The following NEGR1 variants were observed in gnomAD, a reference collection of about 807,000 sequenced individuals.
The protein encoded by NEGR1 is neuronal growth regulator 1.
A neutral mutation model predicts 40.9 loss-of-function variants in NEGR1; 10 were observed. The ratio of observed to expected loss-of-function variants is 0.24; its 90% CI spans 0.15 to 0.42. The LOEUF (loss-of-function observed/expected upper bound fraction) is 0.42. Among genes scored for constraint, NEGR1 ranks in the 10% least tolerant of loss-of-function variants. The probability of loss-of-function intolerance (pLI) is 1.00; values close to 1 mark genes in which losing one functional copy is unlikely to be tolerated. For synonymous variants in NEGR1, 185 were observed against 166.8 expected, an observed-to-expected ratio of 1.11 and a Z score of -0.84; for missense variants, 352 against 438.9, an observed-to-expected ratio of 0.80 and a Z score of 1.77.
intron 3 of NEGR1, among the ~76,000 whole-genome samples, chr1:71,769,581 A>G (rs953994074): frequency 6.6e-6 from 1 of 152,144 alleles, no homozygotes; most frequent in Non-Finnish European, 1.5e-5. Flanking sequence ...TGGTTTTACT[A>G]GGGGGTTTTC....
intron 1 of NEGR1, among the ~76,000 whole-genome samples, chr1:72,147,855 A>G (rs1650968047): frequency 6.6e-6 from 1 of 152,100 alleles, no homozygotes; most frequent in Admixed American, 6.6e-5. Flanking sequence ...CTCTAAAATG[A>G]TTTCCTTTGA....
intron 1 of NEGR1, among the ~76,000 whole-genome samples, chr1:72,026,541 C>T (rs776855262): frequency 1.1e-5 from 1 of 94,936 alleles, no homozygotes; most frequent in Non-Finnish European, 1.9e-5. Flanking sequence ...TTCTTTAAAA[C>T]AACAACAACA....
At chr1:71,872,066 A>G (rs1175774667) in intron 2 of NEGR1, among the ~76,000 whole-genome samples, 1 of 152,224 alleles carries the variant, frequency 6.6e-6, no homozygotes, top group East Asian at 1.9e-4. Context: ...TGGAATAAAA[A>G]TAAATGATGA....
intron 6 of NEGR1, chr1:71,422,466 T>C (rs1646403673): frequency 6.6e-6 from 1 of 152,220 alleles, no homozygotes; most frequent in South Asian, 2.1e-4. Context: ...GTGTTTTTCT[T>C]ATTTAAGGCT....
At chr1:72,037,246 T>A (rs1646911366) in intron 1 of NEGR1, among the ~76,000 whole-genome samples, 1 of 152,116 alleles carries the variant, frequency 6.6e-6, no homozygotes, top group Non-Finnish European at 1.5e-5. Context: ...AGTAGAAAAA[T>A]TAAAAATAAA....
In NEGR1 at chr1:71,399,838, T is replaced by G. The variant is rs1506451; in HGVS notation, c.*7608A>C. On this transcript the variant is annotated 3_prime_UTR_variant, in exon 7 of 7. Transcript: ENST00000357731. Reference sequence around the variant, plus strand: ...ACTTATGAAACTACTTAGAAAACTATGGAAGAGTTCTGTGGCTCTTACTAG... The same window carrying G: ...ACTTATGAAACTACTTAGAAAACTAGGGAAGAGTTCTGTGGCTCTTACTAG... 2 of 152,166 alleles carry G rather than the reference T, an allele frequency of 1.3e-5. No individual in the cohort carries two copies. Among genetic ancestry groups the G allele is most frequent in the East Asian group, 3.9e-4 (2 of 5,184 alleles). 9.4% of individuals were successfully genotyped at this position (152,166 alleles called of 1,614,324 possible). A position where few individuals can be genotyped will look rare whatever the true frequency, so the allele number is the denominator to read the frequency against.
At chr1:71,521,029 T>C (rs1647153474) in intron 6 of NEGR1, among the ~76,000 whole-genome samples, 1 of 152,098 alleles carries the variant, frequency 6.6e-6, no homozygotes, top group African/African-American at 2.4e-5. Flanking sequence ...TAGCTGTGAC[T>C]TGTCACTCTA....
chr1:71,994,039 T>C (rs1293761764), intron 1 of NEGR1, among the ~76,000 whole-genome samples: 2 of 152,130 alleles, frequency 1.3e-5, no homozygotes, highest in African/African-American at 2.4e-5. Flanking sequence ...CAAGACCTAA[T>C]AGAACATCCA....
At chr1:71,845,397 G>A (rs1659371384) in intron 2 of NEGR1, among the ~76,000 whole-genome samples, 1 of 152,068 alleles carries the variant, frequency 6.6e-6, no homozygotes, top group Non-Finnish European at 1.5e-5. Flanking sequence ...ATGGGTAGGA[G>A]ATGGTAAGAA....
At chr1:71,759,824 G>A (rs1570309426) in intron 3 of NEGR1, among the ~76,000 whole-genome samples, 1 of 151,144 alleles carries the variant, frequency 6.6e-6, no homozygotes, top group Non-Finnish European at 1.5e-5. Context: ...CACCCTGACT[G>A]GTCTTGAACT....
intron 1 of NEGR1, among the ~76,000 whole-genome samples, chr1:71,977,328 AAAAAACAAAAC>A (rs1009886549): frequency 6.6e-6 from 1 of 152,110 alleles, no homozygotes; most frequent in Non-Finnish European, 1.5e-5. Context: ...TCCATCTCAA[AAAAAACAAAAC>A]AAAACAAAAC....
At chr1:71,617,517 C>T (rs887561631) in intron 4 of NEGR1, among the ~76,000 whole-genome samples, 2 of 152,148 alleles carry the variant, frequency 1.3e-5, no homozygotes, top group African/African-American at 2.4e-5. Context: ...CCTCTGAATT[C>T]GGGAAAACTG....
At chr1:71,899,969 T>C (rs1661100828) in intron 2 of NEGR1, among the ~76,000 whole-genome samples, 1 of 152,188 alleles carries the variant, frequency 6.6e-6, no homozygotes, top group South Asian at 2.1e-4. Context: ...CGCCAAGAGT[T>C]ACAAAGAAAA....
At chr1:71,555,676 G>T (rs1414902100) in intron 6 of NEGR1, among the ~76,000 whole-genome samples, 5 of 151,668 alleles carry the variant, frequency 3.3e-5, no homozygotes, top group African/African-American at 1.2e-4. Context: ...TGAACATAAG[G>T]TCAGCAAAGA....
chr1:72,184,461 TA>T (rs1421060352), intron 1 of NEGR1, among the ~76,000 whole-genome samples: 1 of 151,922 alleles, frequency 6.6e-6, no homozygotes, highest in Non-Finnish European at 1.5e-5. Context: ...CTCCATGAAC[TA>T]AGAGAGAGTA....
At chr1:71,656,929 G>T (rs1651897809) in intron 4 of NEGR1, among the ~76,000 whole-genome samples, 2 of 152,146 alleles carry the variant, frequency 1.3e-5, no homozygotes, top group African/African-American at 4.8e-5. Context: ...CACATGGGTT[G>T]GGTGTCCCAA....
intron 4 of NEGR1, among the ~76,000 whole-genome samples, chr1:71,646,765 G>T (rs1291154324): frequency 6.6e-6 from 1 of 151,596 alleles, no homozygotes; most frequent in African/African-American, 2.4e-5. Context: ...TTTTTTTATT[G>T]CTGCATTACT....
chr1:71,713,731 T>C (rs1654182206), intron 3 of NEGR1, among the ~76,000 whole-genome samples: 1 of 152,196 alleles, frequency 6.6e-6, no homozygotes, highest in East Asian at 1.9e-4. Flanking sequence ...TCACACCACC[T>C]TGACAATGCA....
At chr1:71,657,318 T>C (rs1300657963) in intron 4 of NEGR1, among the ~76,000 whole-genome samples, 1 of 152,164 alleles carries the variant, frequency 6.6e-6, no homozygotes, top group African/African-American at 2.4e-5. Context: ...AGATCAAGAA[T>C]AAAATAAAAT....
Sources: allele counts gnomAD v4.1 joint callset (sites outside exome capture counted in the v4.1 genomes callset), GRCh38; gene constraint gnomAD v4.1.1; transcripts MANE v1.5; gene names NCBI Gene and HGNC (gene_info 2026-07-23, HGNC 2026-07-21).